VAV2: variants seen among roughly 807,000 people sequenced by gnomAD.
The protein encoded by VAV2 is guanine nucleotide exchange factor VAV2.
Under a neutral mutation model 132.5 loss-of-function variants are expected in VAV2, and 67 were observed. The ratio of observed to expected loss-of-function variants is 0.51; its 90% CI spans 0.42 to 0.62. The LOEUF (loss-of-function observed/expected upper bound fraction) is 0.62, where lower values mean the gene tolerates loss of function less well. Among genes scored for constraint, VAV2 ranks in the 20% least tolerant of loss-of-function variants. The pLI is 0.00. For missense variants in VAV2, 938 were observed against 1,153.6 expected (o/e 0.81, Z 2.71); for synonymous variants, 492 against 443.5 (o/e 1.11, Z -1.37).
Position 133,788,973 on chromosome 9 carries a change from T to G in VAV2, c.1274+285A>C, listed in dbSNP as rs541524970. 7.2e-5 allele frequency among the ~76,000 whole-genome samples: 11 copies of G among 152,328 alleles called. No homozygotes were observed. The highest frequency in any genetic ancestry group is 3.3e-4 in the Admixed American group (5 of 15,310). ...CCATCCGACCACTCTGGGCCTGTCT[T>G]GGGTTCCTGGAGGCTGAGCATTGGC... On this transcript the variant is annotated intron_variant, in intron 14 of 29. Coordinates refer to ENST00000371850, the MANE Select transcript of VAV2 (RefSeq NM_001134398.2). This position sits in a 1 kb window ranked among gnomAD's most constrained non-coding sequence, Gnocchi z 5.3.
intron 2 of VAV2, among the ~76,000 whole-genome samples, chr9:133,914,280 G>A (rs996801727): frequency 6.6e-6 from 1 of 152,132 alleles, no homozygotes; most frequent in Non-Finnish European, 1.5e-5. Flanking sequence ...GTACCCAACA[G>A]GATGGGAAGA....
intron 2 of VAV2, among the ~76,000 whole-genome samples, chr9:133,862,083 A>C (rs948743558): frequency 6.6e-6 from 1 of 152,246 alleles, no homozygotes; most frequent in Non-Finnish European, 1.5e-5. Context: ...CCTGGCCGGC[A>C]GACTGGTCAA....
Position 133,768,519 on chromosome 9 carries a change from G to C in VAV2, c.2512C>G (p.Arg838Gly). The change falls in exon 29 of 30, where the codon CGG becomes GGG. Residue 838 changes from arginine (R) to glycine (G), a missense_variant. Physicochemically the swap from Arg to Gly is moderately radical, Grantham distance 125 (BLOSUM62 -2). Transcript: ENST00000371850. This position sits in a 1 kb window ranked among gnomAD's most constrained non-coding sequence, Gnocchi z 5.3. ...TAGATCCTCACCACGTCACCCTCCC[G>C]CAGCGAAAGCTCCCTCATATCTCGG... ...AARDMRELSL[R>G]EGDVVRIYSR... is the part of the protein sequence containing the mutation. The C allele has an allele frequency of 6.2e-7, 1 of 1,613,920 alleles. No homozygotes were observed. The highest frequency in any genetic ancestry group is 8.5e-7 in the Non-Finnish European group (1 of 1,179,994).
intron 2 of VAV2, among the ~76,000 whole-genome samples, chr9:133,892,105 G>A (rs1469792058): frequency 1.7e-5 from 2 of 116,858 alleles, no homozygotes; most frequent in East Asian, 3.0e-4. Flanking sequence ...AGGGATGGGG[G>A]CATTGGGTAC....
chr9:133,822,999 G>A (rs1242946508), intron 4 of VAV2, among the ~76,000 whole-genome samples: 1 of 152,192 alleles, frequency 6.6e-6, no homozygotes, highest in East Asian at 1.9e-4. Flanking sequence ...GAGTTGTGAG[G>A]GCTGAGATGA....
chr9:133,808,150 G>A (rs1835223514), intron 7 of VAV2, among the ~76,000 whole-genome samples: 2 of 152,128 alleles, frequency 1.3e-5, no homozygotes, highest in Non-Finnish European at 2.9e-5. Flanking sequence ...CCCTGGCAGA[G>A]GCTGACCTCA....
intron 2 of VAV2, among the ~76,000 whole-genome samples, chr9:133,864,002 C>T (rs1407535520): frequency 1.3e-5 from 2 of 152,186 alleles, no homozygotes; most frequent in African/African-American, 4.8e-5. Context: ...CCAGGACAGA[C>T]AGAGAGCTGG....
At chr9:133,867,869 G>A (rs1837869141) in intron 2 of VAV2, among the ~76,000 whole-genome samples, 1 of 152,242 alleles carries the variant, frequency 6.6e-6, no homozygotes, top group East Asian at 1.9e-4. Flanking sequence ...GCTCAGCTGA[G>A]TGCTGGGCTC....
In VAV2 at chr9:133,964,483, T is replaced by C. The variant is rs1176109396; in HGVS notation, c.205-25264A>G. 3.9e-5 allele frequency among the ~76,000 whole-genome samples: 6 copies of C among 152,266 alleles called. No homozygotes were observed. In the South Asian group the frequency reaches 6.2e-4, roughly 16 times the overall value. On this transcript the variant is annotated intron_variant, in intron 1 of 29. Transcript: ENST00000371850. ...GCATGCGTATGCTTTTTATAATGGA[T>C]GTCATATATGTATAATGAAAAATAC...
chr9:133,950,523 G>C (rs547597943), intron 1 of VAV2, among the ~76,000 whole-genome samples: 9 of 152,300 alleles, frequency 5.9e-5, no homozygotes, highest in African/African-American at 2.2e-4. Flanking sequence ...GGGGTATAAA[G>C]AGTGGCCCAC....
intron 2 of VAV2, among the ~76,000 whole-genome samples, chr9:133,911,118 A>G (rs1177063207): frequency 6.6e-6 from 1 of 152,198 alleles, no homozygotes; most frequent in African/African-American, 2.4e-5. Context: ...TGATCTCTAC[A>G]GTTTCATATT....
Position 133,834,397 on chromosome 9 carries a change from G to A in VAV2, c.381-57C>T. ...AGGTCCCGGCACTGCCGGCCAGTGG[G>A]ACCCCAGCTGGACCCCACAGCAGAG... On this transcript the variant is annotated intron_variant, in intron 3 of 29. Coordinates refer to ENST00000371850, the MANE Select transcript of VAV2 (RefSeq NM_001134398.2). This position sits in a 1 kb window ranked among gnomAD's most constrained non-coding sequence, Gnocchi z 5.9. The A allele has an allele frequency of 6.4e-7, 1 of 1,567,760 alleles. No individual in the cohort carries two copies. The highest frequency in any genetic ancestry group is 2.3e-5 in the East Asian group (1 of 43,376).
At chr9:133,948,863 C>T (rs1778841013) in intron 1 of VAV2, among the ~76,000 whole-genome samples, 1 of 152,248 alleles carries the variant, frequency 6.6e-6, no homozygotes, top group South Asian at 2.1e-4. Context: ...AGGGACCACC[C>T]TGCTCATCAG....
At position 133,886,575 on chromosome 9, in the gene VAV2, C is replaced by T. The variant is rs1333801091; in HGVS notation, c.322-25143G>A. ...GGAGTCAGTGAGGCCCACGTGTTTG[C>T]GCCTGTGTCTGGGGGGTGCAAATCC... is the stretch of plus-strand genomic sequence containing the variant. On this transcript the variant is annotated intron_variant, in intron 2 of 29. Coordinates refer to ENST00000371850, the MANE Select transcript of VAV2 (RefSeq NM_001134398.2). 4.6e-5 allele frequency among the ~76,000 whole-genome samples: 7 copies of T among 152,136 alleles called. No homozygotes were observed. The South Asian group carries it at 1.2e-3, about 27-fold the overall frequency.
chr9:133,904,553 C>T (rs373826375), intron 2 of VAV2, among the ~76,000 whole-genome samples: 19 of 152,360 alleles, frequency 1.2e-4, no homozygotes, highest in Middle Eastern at 3.4e-3. Context: ...CGTGTCCAGC[C>T]GAGCCCAAAC....
chr9:133,977,493 A>T (rs1418415089), intron 1 of VAV2, among the ~76,000 whole-genome samples: 1 of 152,140 alleles, frequency 6.6e-6, no homozygotes, highest in East Asian at 1.9e-4. Context: ...CCAGACAAGG[A>T]TTGTCTAGGC....
chr9:133,964,949 G>A (rs944091525), intron 1 of VAV2, among the ~76,000 whole-genome samples: 18 of 152,032 alleles, frequency 1.2e-4, no homozygotes, highest in African/African-American at 3.4e-4. Context: ...CTTATTCAAC[G>A]TAGTACTAGA....
rs1356816393 is a variant in VAV2, at chr9:133,918,578, G to A, written c.321+20525C>T. ...CGTTCCTGCCTCACAACTCCACGTG[G>A]CTGATACTGTTATGTCCATTTCGTG... On this transcript the variant is annotated intron_variant, in intron 2 of 29. Transcript: ENST00000371850. This position sits in a 1 kb window ranked among gnomAD's most constrained non-coding sequence, Gnocchi z 4.7. Among the ~76,000 whole-genome samples the A allele has an allele frequency of 6.6e-6, 1 of 152,092 alleles. No homozygotes were observed. Among genetic ancestry groups the A allele is most frequent in the Admixed American group, 6.5e-5 (1 of 15,278 alleles).
intron 2 of VAV2, among the ~76,000 whole-genome samples, chr9:133,913,633 C>T (rs1420622987): frequency 1.3e-5 from 2 of 152,228 alleles, no homozygotes; most frequent in Non-Finnish European, 2.9e-5. Context: ...AATCGACACT[C>T]ATCACGGAAC....
Sources: gnomAD v4.1 joint callset for allele counts (sites outside exome capture counted in the v4.1 genomes callset) on GRCh38, gnomAD v4.1.1 for gene constraint, Gnocchi (gnomAD v3.1) non-coding constraint, MANE v1.5 for transcripts, NCBI Gene and HGNC (gene_info 2026-07-23, HGNC 2026-07-21) for gene names.